The following MDFIC2 variants were observed in gnomAD, a reference collection of about 807,000 sequenced individuals.
MDFIC2 encodes myoD family inhibitor domain-containing protein 2.
chr3:70,279,367 T>A (rs1038741403), intron 2 of MDFIC2, among the ~76,000 whole-genome samples: 1 of 152,102 alleles, frequency 6.6e-6, no homozygotes, highest in African/African-American at 2.4e-5. Context: ...TCGATTCCAA[T>A]GGTCATTTGA....
chr3:70,311,655 T>G (rs1702454139), intron 2 of MDFIC2, among the ~76,000 whole-genome samples: 1 of 152,072 alleles, frequency 6.6e-6, no homozygotes, highest in Admixed American at 6.5e-5. Context: ...ACCAACAAAG[T>G]AATCTATGTT....
intron 2 of MDFIC2, among the ~76,000 whole-genome samples, chr3:70,303,031 A>G (rs1273837232): frequency 1.3e-5 from 2 of 152,196 alleles, no homozygotes; most frequent in African/African-American, 4.8e-5. Context: ...AGAGAATCAA[A>G]ATGATTTTGA....
chr3:70,194,629 T>C lies in MDFIC2; in HGVS notation c.*2297A>G, dbSNP rs571757298. 2.6e-5 allele frequency among the ~76,000 whole-genome samples: 4 copies of C among 152,322 alleles called. No homozygotes were observed. The highest frequency in any genetic ancestry group is 3.9e-4 in the East Asian group (2 of 5,180). ...TGGAAAGCAAGGCCACAGAAAGATC[T>C]TGTAGTGTTCTGACCACATTACCAC... On this transcript the variant is annotated 3_prime_UTR_variant, in exon 4 of 4. Coordinates refer to ENST00000567252, the MANE Select transcript of MDFIC2 (RefSeq NM_001364677.1).
At chr3:70,255,311 T>C (rs6549310) in intron 2 of MDFIC2, among the ~76,000 whole-genome samples, 150,508 of 152,372 alleles carry the variant, frequency 0.99, 74,348 homozygotes, top group Non-Finnish European at 1. Context: ...ACTGTGATTT[T>C]ATAGTCAGTA....
chr3:70,287,840 T>G (rs1346552490), intron 2 of MDFIC2, among the ~76,000 whole-genome samples: 1 of 151,678 alleles, frequency 6.6e-6, no homozygotes, highest in African/African-American at 2.4e-5. Flanking sequence ...TCTAGTTTAT[T>G]TGCGTAGAGG....
At chr3:70,305,218 A>T (rs1409595185) in intron 2 of MDFIC2, among the ~76,000 whole-genome samples, 1 of 152,164 alleles carries the variant, frequency 6.6e-6, no homozygotes, top group Non-Finnish European at 1.5e-5. Context: ...ATATTTTCAC[A>T]TCTTTTTTTT....
At chr3:70,310,236 T>C (rs1702442270) in intron 2 of MDFIC2, among the ~76,000 whole-genome samples, 1 of 152,144 alleles carries the variant, frequency 6.6e-6, no homozygotes. Context: ...TGCATCAACT[T>C]TAGTCCTGAA....
At chr3:70,214,221 C>T (rs909543225) in intron 2 of MDFIC2, among the ~76,000 whole-genome samples, 1 of 151,946 alleles carries the variant, frequency 6.6e-6, no homozygotes, top group Non-Finnish European at 1.5e-5. Context: ...GACATTTTTT[C>T]TTTAATTTTC....
At chr3:70,260,277 CCT>C (rs1243464283) in intron 2 of MDFIC2, among the ~76,000 whole-genome samples, 1 of 152,120 alleles carries the variant, frequency 6.6e-6, no homozygotes, top group Non-Finnish European at 1.5e-5. Context: ...CGGCATTTCC[CCT>C]GTGTGTGTCT....
intron 2 of MDFIC2, among the ~76,000 whole-genome samples, chr3:70,301,139 T>C (rs1303245256): frequency 6.6e-6 from 1 of 152,144 alleles, no homozygotes; most frequent in African/African-American, 2.4e-5. Flanking sequence ...GTTCTTTTCT[T>C]CTGAGACACA....
At chr3:70,223,037 G>C (rs921816564) in intron 2 of MDFIC2, among the ~76,000 whole-genome samples, 1 of 152,094 alleles carries the variant, frequency 6.6e-6, no homozygotes, top group Non-Finnish European at 1.5e-5. Context: ...TTAGGGGCAG[G>C]CTTCAAATTT....
chr3:70,237,979 C>CTTTTTTTTTTTTTTTTT lies in MDFIC2; in HGVS notation c.89-31206_89-31190dup, dbSNP rs71672662. 2.6e-3 allele frequency among the ~76,000 whole-genome samples: 125 copies of CTTTTTTTTTTTTTTTTT among 48,942 alleles called. 42 individuals carry two copies. Among genetic ancestry groups the CTTTTTTTTTTTTTTTTT allele is most frequent in the African/African-American group, 5.8e-3 (55 of 9,424 alleles). 32.1% of individuals were successfully genotyped at this position (48,942 alleles called of 152,430 possible). A position where few individuals can be genotyped will look rare whatever the true frequency, so the allele number is the denominator to read the frequency against. ...GGAAAAGAAACTAATTGAGTGGTAT[C>CTTTTTTTTTTTTTTTTT]TTTTTTTTTTTTTTTTTTTTTTTTT... On this transcript the variant is annotated intron_variant, in intron 2 of 3. Transcript: ENST00000567252.
intron 2 of MDFIC2, among the ~76,000 whole-genome samples, chr3:70,210,820 A>G (rs1576156406): frequency 6.6e-6 from 1 of 152,122 alleles, no homozygotes; most frequent in South Asian, 2.1e-4. Flanking sequence ...AGTTTGGGCT[A>G]CAGGTAATTG....
At chr3:70,265,619 G>C (rs1024783981) in intron 2 of MDFIC2, among the ~76,000 whole-genome samples, 2 of 152,212 alleles carry the variant, frequency 1.3e-5, no homozygotes, top group African/African-American at 4.8e-5. Flanking sequence ...GCAAAGGTAA[G>C]CAGATAAGGG....
intron 2 of MDFIC2, among the ~76,000 whole-genome samples, chr3:70,264,214 A>G (rs1701893741): frequency 1.3e-5 from 2 of 152,244 alleles, no homozygotes; most frequent in South Asian, 2.1e-4. Flanking sequence ...GGCAATGGCA[A>G]TGACTTGAAC....
At chr3:70,286,594 A>G (rs1702166230) in intron 2 of MDFIC2, among the ~76,000 whole-genome samples, 1 of 151,938 alleles carries the variant, frequency 6.6e-6, no homozygotes, top group Non-Finnish European at 1.5e-5. Context: ...AATTCTGTGA[A>G]GAAAGTCATT....
intron 2 of MDFIC2, among the ~76,000 whole-genome samples, chr3:70,287,089 A>G (rs1702173792): frequency 7.1e-6 from 1 of 141,752 alleles, no homozygotes. Flanking sequence ...AACTTCCAAC[A>G]CTATGTTGAA....
chr3:70,203,332 C>T (rs74798629), intron 3 of MDFIC2, among the ~76,000 whole-genome samples: 1 of 152,070 alleles, frequency 6.6e-6, no homozygotes, highest in Non-Finnish European at 1.5e-5. Context: ...GGTTCCCACT[C>T]CCCCACACTG....
chr3:70,229,684 C>T (rs557357170), intron 2 of MDFIC2, among the ~76,000 whole-genome samples: 1 of 152,090 alleles, frequency 6.6e-6, no homozygotes, highest in Non-Finnish European at 1.5e-5. Flanking sequence ...TCTGATGAGC[C>T]CCTAAAAATG....
Sources: gnomAD v4.1 joint callset for allele counts (sites outside exome capture counted in the v4.1 genomes callset) on GRCh38, gnomAD v4.1.1 for gene constraint, MANE v1.5 for transcripts, NCBI Gene and HGNC (gene_info 2026-07-23, HGNC 2026-07-21) for gene names.